ZNF429: variants seen among roughly 807,000 people sequenced by gnomAD.
The protein encoded by ZNF429 is zinc finger protein 429.
In ZNF429, 53 loss-of-function variants were observed where a neutral mutation model predicts 56.8. The ratio of observed to expected loss-of-function variants is 0.93; its 90% CI spans 0.75 to 1.17. ZNF429 has a LOEUF of 1.17. Ranked by LOEUF, ZNF429 falls within the 50% of genes most tolerant of loss-of-function variation. ZNF429 has a pLI of 0.00. For missense variants in ZNF429, 849 were observed against 788.4 expected, an observed-to-expected ratio of 1.08 and a Z score of -0.92; for synonymous variants, 278 against 264.7, an observed-to-expected ratio of 1.05 and a Z score of -0.49.
At chr19:21,517,796 C>CT (rs777982396) in intron 1 of ZNF429, among the ~76,000 whole-genome samples, 3,922 of 106,356 alleles carry the variant, frequency 0.037, 161 homozygotes, top group African/African-American at 0.097. Flanking sequence ...TTGTCATTTC[C>CT]TTTTTTTTTT....
At chr19:21,535,495 TCTTCTTTCTTTCTTTC>T in intron 3 of ZNF429, among the ~76,000 whole-genome samples, 1 of 128,276 alleles carries the variant, frequency 7.8e-6, no homozygotes. Flanking sequence ...TTTCTTTCTT[TCTTCTTTCTTTCTTTC>T]TTTCCTTCTT....
chr19:21,511,110 G>A (rs1337812470), intron 1 of ZNF429, among the ~76,000 whole-genome samples: 1 of 152,140 alleles, frequency 6.6e-6, no homozygotes, highest in African/African-American at 2.4e-5. Context: ...CCTCCCAGAC[G>A]GGGTGGTGGC....
chr19:21,520,067 C>G, intron 1 of ZNF429, among the ~76,000 whole-genome samples: 1 of 152,090 alleles, frequency 6.6e-6, no homozygotes, highest in African/African-American at 2.4e-5. Flanking sequence ...CCATCTTGGC[C>G]AGGCTGGTCT....
intron 2 of ZNF429, 97 bp downstream of exon 2, chr19:21,529,881 T>C: frequency 1.1e-6 from 1 of 911,396 alleles, no homozygotes; most frequent in Non-Finnish European, 1.5e-6. Context: ...TTTGCATAAA[T>C]GAGTTTCAGA....
At chr19:21,506,461 A>AAAAAGGG (rs1555740405) in intron 1 of ZNF429, among the ~76,000 whole-genome samples, 1 of 147,228 alleles carries the variant, frequency 6.8e-6, no homozygotes, top group Non-Finnish European at 1.5e-5. Context: ...AAAAAAAAAA[A>AAAAAGGG]GGGGAGTCAC....
intron 1 of ZNF429, among the ~76,000 whole-genome samples, chr19:21,522,351 A>G (rs2033013143): frequency 6.6e-6 from 1 of 152,186 alleles, no homozygotes; most frequent in African/African-American, 2.4e-5. Flanking sequence ...ACTAATTATA[A>G]TGACTATTTT....
intron 1 of ZNF429, among the ~76,000 whole-genome samples, chr19:21,510,853 C>T (rs1228247606): frequency 1.3e-5 from 2 of 152,060 alleles, no homozygotes; most frequent in Non-Finnish European, 1.5e-5. Context: ...TCCATTTTAC[C>T]CTGAGTGGAC....
At position 21,536,704 on chromosome 19, in the gene ZNF429, T is replaced by C; in HGVS notation, c.651T>C (p.Thr217=). ...GNAFNQSSAL[T]NHKRIYVGEK... The stretch of plus-strand genomic sequence containing the variant: ...CCTTTAATCAGTCCTCAGCCCTTAC[T>C]AACCATAAGAGAATTTATGTTGGTG... The change falls in exon 4 of 4, where the codon ACT becomes ACC. Residue 217 remains threonine (T), a synonymous_variant. Transcript: ENST00000358491. 1 of 1,614,052 alleles carries C rather than the reference T, an allele frequency of 6.2e-7. No individual in the cohort carries two copies. Among genetic ancestry groups the C allele is most frequent in the Middle Eastern group, 1.7e-4 (1 of 6,060 alleles).
intron 1 of ZNF429, among the ~76,000 whole-genome samples, chr19:21,507,056 C>T (rs972554713): frequency 1.5e-4 from 23 of 152,150 alleles, no homozygotes; most frequent in African/African-American, 5.3e-4. Flanking sequence ...GCGTGAGCCA[C>T]GGCTCCCGGC....
At chr19:21,515,262 T>A (rs2032685988) in intron 1 of ZNF429, among the ~76,000 whole-genome samples, 1 of 145,240 alleles carries the variant, frequency 6.9e-6, no homozygotes, top group South Asian at 2.2e-4. Flanking sequence ...TTTTTTTTAC[T>A]TTTTTATAGT....
Position 21,535,425 on chromosome 19 carries a change from TTTCTTTCTTTC to T in ZNF429, c.227-852_227-842del. 7.9e-3 allele frequency among the ~76,000 whole-genome samples: 49 copies of T among 6,198 alleles called. 8 individuals are homozygous for T. Among genetic ancestry groups the T allele is most frequent in the Admixed American group, 0.019 (11 of 590 alleles). The allele number at this position is 6,198 out of a possible 152,430, so 4.1% of individuals were successfully genotyped here. On this transcript the variant is annotated intron_variant, in intron 3 of 3. Coordinates refer to ENST00000358491, the MANE Select transcript of ZNF429 (RefSeq NM_001001415.4). ...TCTTTCTTTTTCTTTTCTTTCTTTC[TTTCTTTCTTTC>T]TTTCTTTCTTTCTTTCTTTCTTTCT...
rs2032636870 is a variant in ZNF429, at chr19:21,514,290, T to C, written c.3+8516T>C. ...AGTGTAGATTATTTTGTCACTGAGG[T>C]ACTAAGCATAGCATCAAACAGGTAT... is the stretch of plus-strand genomic sequence containing the variant. On this transcript the variant is annotated intron_variant, in intron 1 of 3. Transcript: ENST00000358491. 2.6e-5 allele frequency among the ~76,000 whole-genome samples: 4 copies of C among 152,168 alleles called. No homozygotes were observed. In the South Asian group the frequency reaches 8.3e-4, roughly 32 times the overall value.
At chr19:21,527,598 GT>G (rs1376425834) in intron 1 of ZNF429, among the ~76,000 whole-genome samples, 2 of 152,204 alleles carry the variant, frequency 1.3e-5, no homozygotes, top group East Asian at 3.9e-4. Flanking sequence ...AACTGCTGTT[GT>G]CTGTGGCAGG....
At position 21,536,568 on chromosome 19, in the gene ZNF429, C is replaced by G. The variant is rs868445050; in HGVS notation, c.515C>G (p.Pro172Arg). The change falls in exon 4 of 4, where the codon CCT becomes CGT. Residue 172 changes from proline to arginine, a missense_variant. Transcript: ENST00000358491. ...AAGACAAGACATACTGGAAAGAAAC[C>G]TTTCCAGTGTAAAAAATGTGGCAAA... is the stretch of plus-strand genomic sequence containing the variant. ...RYKTRHTGKK[P>R]FQCKKCGKSF... 6.2e-7 allele frequency: 1 copy of G among 1,613,598 alleles called. No homozygotes were observed. Among genetic ancestry groups the G allele is most frequent in the Admixed American group, 1.7e-5 (1 of 59,926 alleles).
chr19:21,535,325 T>TTCTTTCTTTCTTTCTTTC, intron 3 of ZNF429, among the ~76,000 whole-genome samples: 7 of 124,690 alleles, frequency 5.6e-5, no homozygotes, highest in African/African-American at 2.9e-4. Flanking sequence ...CTTTCTTTCT[T>TTCTTTCTTTCTTTCTTTC]TCTCTTTTCT....
At chr19:21,525,009 T>C (rs191099604) in intron 1 of ZNF429, among the ~76,000 whole-genome samples, 50 of 152,028 alleles carry the variant, frequency 3.3e-4, no homozygotes, top group African/African-American at 1.2e-3. Context: ...GCAGTCATGG[T>C]CCCTACCATC....
Position 21,538,047 on chromosome 19 carries a change from C to T in ZNF429, c.1994C>T (p.Thr665Met), listed in dbSNP as rs770788594. 3.3e-5 allele frequency: 51 copies of T among 1,528,594 alleles called. No individual in the cohort carries two copies. Among genetic ancestry groups the T allele is most frequent in the South Asian group, 1.7e-4 (15 of 88,762 alleles). The allele number at this position is 1,528,594 out of a possible 1,614,324, so 94.7% of individuals were successfully genotyped here. A position where few individuals can be genotyped will look rare whatever the true frequency, so the allele number is the denominator to read the frequency against. The change falls in exon 4 of 4, where the codon ACG (threonine) becomes ATG (methionine). Residue 665 changes from threonine (T) to methionine (M), a missense_variant. Physicochemically the swap from Thr to Met is moderately conservative, Grantham distance 81. Transcript: ENST00000358491. ...TTGGGAGGCAGAGGTGGGCGGATCA[C>T]GAGGTCAGGAGATCGAGACCGTCCT... ...STLGGRGGRI[T>M]RSGDRDRPG
chr19:21,535,325 T>TTCTTTCTTTC, intron 3 of ZNF429, among the ~76,000 whole-genome samples: 3 of 124,652 alleles, frequency 2.4e-5, no homozygotes, highest in African/African-American at 1.2e-4. Context: ...CTTTCTTTCT[T>TTCTTTCTTTC]TCTCTTTTCT....
intron 3 of ZNF429, among the ~76,000 whole-genome samples, chr19:21,533,567 G>T: frequency 1.5e-5 from 2 of 135,426 alleles, no homozygotes; most frequent in South Asian, 4.7e-4. Flanking sequence ...TTTGTTAGTG[G>T]TTCTTTTTTT....
Sources: gnomAD v4.1 joint callset for allele counts (sites outside exome capture counted in the v4.1 genomes callset) on GRCh38, gnomAD v4.1.1 for gene constraint, MANE v1.5 for transcripts, NCBI Gene and HGNC (gene_info 2026-07-23, HGNC 2026-07-21) for gene names.